EXOC6B: variants seen among roughly 807,000 people sequenced by gnomAD.
The protein encoded by EXOC6B is exocyst complex component 6B.
Under a neutral mutation model 113.5 loss-of-function variants are expected in EXOC6B, and 54 were observed. The ratio of observed to expected loss-of-function variants is 0.48; its 90% CI spans 0.38 to 0.60. The LOEUF is 0.60. Among genes scored for constraint, EXOC6B ranks in the 20% least tolerant of loss-of-function variants. The pLI is 0.00. For missense variants in EXOC6B, 797 were observed against 977.5 expected (o/e 0.82, Z 2.46); for synonymous variants, 357 against 339.0 (o/e 1.05, Z -0.58).
intron 20 of EXOC6B, among the ~76,000 whole-genome samples, chr2:72,301,190 A>C (rs1448217472): frequency 6.6e-6 from 1 of 152,140 alleles, no homozygotes; most frequent in Non-Finnish European, 1.5e-5. Flanking sequence ...CTCAGGGATA[A>C]AGCCTACTTG....
intron 1 of EXOC6B, among the ~76,000 whole-genome samples, chr2:72,803,169 T>C (rs930466640): frequency 5.3e-5 from 8 of 152,184 alleles, no homozygotes; most frequent in Non-Finnish European, 1.2e-4. Context: ...CCAAGTGCAC[T>C]GACCTGCACC....
intron 20 of EXOC6B, among the ~76,000 whole-genome samples, chr2:72,222,177 T>C (rs1460882093): frequency 6.6e-6 from 1 of 152,210 alleles, no homozygotes; most frequent in Non-Finnish European, 1.5e-5. Flanking sequence ...TGGATCCCAC[T>C]ACCTGGTGTG....
intron 19 of EXOC6B, among the ~76,000 whole-genome samples, chr2:72,377,714 G>C (rs112791781): frequency 0.015 from 2,308 of 152,232 alleles, 46 homozygotes; most frequent in African/African-American, 0.052. Flanking sequence ...AAGAAGTTGA[G>C]TCATATTGGT....
At chr2:72,644,718 CT>C (rs1372977571) in intron 6 of EXOC6B, among the ~76,000 whole-genome samples, 1 of 152,046 alleles carries the variant, frequency 6.6e-6, no homozygotes, top group African/African-American at 2.4e-5. Flanking sequence ...AAATAAAATC[CT>C]TTACAGACAA....
intron 20 of EXOC6B, among the ~76,000 whole-genome samples, chr2:72,294,241 T>C (rs1685984667): frequency 1.3e-5 from 2 of 152,112 alleles, no homozygotes; most frequent in Non-Finnish European, 2.9e-5. Flanking sequence ...ATGGTTTGTA[T>C]GGGGAGGCCT....
At chr2:72,770,201 G>T (rs968157949) in intron 1 of EXOC6B, among the ~76,000 whole-genome samples, 2 of 151,498 alleles carry the variant, frequency 1.3e-5, no homozygotes, top group African/African-American at 2.4e-5. Context: ...CAAAAACAAG[G>T]TCAGATTAAA....
chr2:72,725,950 C>A (rs1422956555), intron 5 of EXOC6B, among the ~76,000 whole-genome samples: 1 of 152,006 alleles, frequency 6.6e-6, no homozygotes, highest in Non-Finnish European at 1.5e-5. Flanking sequence ...CAGCATTATT[C>A]GTAATAGTTA....
At chr2:72,265,517 C>T (rs1328678600) in intron 20 of EXOC6B, among the ~76,000 whole-genome samples, 3 of 149,412 alleles carry the variant, frequency 2.0e-5, no homozygotes, top group South Asian at 2.1e-4. Context: ...GGTTTTTTGT[C>T]CTTGCGATAG....
intron 15 of EXOC6B, among the ~76,000 whole-genome samples, chr2:72,493,240 G>A (rs1253682263): frequency 6.6e-6 from 1 of 151,166 alleles, no homozygotes; most frequent in Admixed American, 6.6e-5. Context: ...CATGGTTTTC[G>A]GACTACTTAG....
rs1392142222 is a variant in EXOC6B at position 72,694,065 on chromosome 2, T to TTTCTAAAAGAATGTCCTAAGG, written c.669+24017_669+24037dup. On this transcript the variant is annotated intron_variant, in intron 6 of 21. Transcript: ENST00000272427. ...TGCCTATGATATAAATGCATATTTC[T>TTTCTAAAAGAATGTCCTAAGG]TTCTAAAAGAATGTCCTAAGGAGAC... Among the ~76,000 whole-genome samples the TTTCTAAAAGAATGTCCTAAGG allele has an allele frequency of 1.2e-3, 182 of 152,218 alleles. 7 individuals are homozygous for TTTCTAAAAGAATGTCCTAAGG. Among genetic ancestry groups the TTTCTAAAAGAATGTCCTAAGG allele is most frequent in the Non-Finnish European group, 3.1e-4 (21 of 68,040 alleles).
chr2:72,271,998 T>A (rs563141867), intron 20 of EXOC6B, among the ~76,000 whole-genome samples: 37 of 152,270 alleles, frequency 2.4e-4, no homozygotes, highest in Non-Finnish European at 4.0e-4. Flanking sequence ...GCTGATATAG[T>A]TTATGGTCTG....
intron 20 of EXOC6B, among the ~76,000 whole-genome samples, chr2:72,190,718 T>C (rs572666615): frequency 1.3e-5 from 2 of 152,238 alleles, no homozygotes; most frequent in Non-Finnish European, 2.9e-5. Context: ...TACTCTTTTA[T>C]GCTTTGTTTT....
intron 13 of EXOC6B, 142 bp from the exon 14 acceptor site, chr2:72,496,701 G>T: frequency 1.5e-6 from 1 of 653,778 alleles, no homozygotes. Flanking sequence ...AACCCAAAAT[G>T]AACATTTCCC....
intron 5 of EXOC6B, among the ~76,000 whole-genome samples, chr2:72,719,637 C>T (rs1269406922): frequency 6.6e-6 from 1 of 152,172 alleles, no homozygotes; most frequent in African/African-American, 2.4e-5. Flanking sequence ...AGACTGGAAA[C>T]CTTACTCACT....
At chr2:72,505,362 C>T (rs1024494792) in intron 11 of EXOC6B, among the ~76,000 whole-genome samples, 3 of 152,090 alleles carry the variant, frequency 2.0e-5, no homozygotes, top group Non-Finnish European at 4.4e-5. Flanking sequence ...CCTCCTATGC[C>T]ACCTAATATA....
intron 20 of EXOC6B, among the ~76,000 whole-genome samples, chr2:72,267,896 CTACTTCTAGGTA>C (rs1404412778): frequency 2.0e-5 from 3 of 152,124 alleles, no homozygotes; most frequent in African/African-American, 7.2e-5. Flanking sequence ...ATCAGTCATT[CTACTTCTAGGTA>C]TACTTCTAGG....
intron 1 of EXOC6B, among the ~76,000 whole-genome samples, chr2:72,803,676 A>G (rs1355383124): frequency 6.6e-6 from 1 of 152,240 alleles, no homozygotes; most frequent in Non-Finnish European, 1.5e-5. Context: ...AAATTATTGC[A>G]TCTATAAATG....
At position 72,452,698 on chromosome 2, in the gene EXOC6B, T is replaced by TA. The variant is rs1204251500; in HGVS notation, c.1980+12461dup. ...ATTAACAGATATATTTGGCTGAAGT[T>TA]ACAGCTTTATGTAAGGGAATTACAA... is the stretch of plus-strand genomic sequence containing the variant. On this transcript the variant is annotated intron_variant, in intron 18 of 21. Coordinates refer to ENST00000272427, the MANE Select transcript of EXOC6B (RefSeq NM_015189.3). Among the ~76,000 whole-genome samples, 11 of 152,364 alleles carry TA rather than the reference T, an allele frequency of 7.2e-5. No individual in the cohort carries two copies. The South Asian group carries it at 1.7e-3, about 23-fold the overall frequency.
chr2:72,754,274 G>C (rs976613643), intron 1 of EXOC6B, among the ~76,000 whole-genome samples: 1 of 152,152 alleles, frequency 6.6e-6, no homozygotes, highest in Non-Finnish European at 1.5e-5. Flanking sequence ...GCTTAAGCTT[G>C]CATACTCTGG....
Sources: gnomAD v4.1 joint callset for allele counts (sites outside exome capture counted in the v4.1 genomes callset) on GRCh38, gnomAD v4.1.1 for gene constraint, MANE v1.5 for transcripts, NCBI Gene and HGNC (gene_info 2026-07-23, HGNC 2026-07-21) for gene names.